The following FAM135B variants were observed in gnomAD, a reference collection of about 807,000 sequenced individuals.
FAM135B encodes the protein family with sequence similarity 135 member B.
In FAM135B, 43 loss-of-function variants were observed where a neutral mutation model predicts 127.7. The ratio of observed to expected loss-of-function variants is 0.34; its 90% CI spans 0.26 to 0.43. FAM135B has a LOEUF of 0.43. FAM135B is among the 20% of genes least tolerant of loss of function. The probability of loss-of-function intolerance (pLI) is 1.00; values close to 1 mark genes in which losing one functional copy is unlikely to be tolerated. For synonymous variants in FAM135B, 670 were observed against 665.1 expected (o/e 1.01, Z -0.11); for missense variants, 1,558 against 1,725.6 (o/e 0.90, Z 1.72).
At chr8:138,314,649 T>C (rs919093579) in intron 2 of FAM135B, among the ~76,000 whole-genome samples, 1 of 143,618 alleles carries the variant, frequency 7.0e-6, no homozygotes, top group African/African-American at 2.6e-5. Context: ...GGCTGGAGAA[T>C]TGCTTGAGCC....
At chr8:138,289,773 A>G (rs1214320932) in intron 3 of FAM135B, among the ~76,000 whole-genome samples, 2 of 152,040 alleles carry the variant, frequency 1.3e-5, no homozygotes, top group African/African-American at 2.4e-5. Context: ...AATCATCCCA[A>G]TCATCCTGGG....
chr8:138,471,951 G>C (rs1837699858), intron 1 of FAM135B, among the ~76,000 whole-genome samples: 2 of 152,130 alleles, frequency 1.3e-5, no homozygotes, highest in South Asian at 4.1e-4. Flanking sequence ...TGGTCAACTT[G>C]GTCACCATGC....
At chr8:138,455,840 C>A (rs1191839059) in intron 1 of FAM135B, among the ~76,000 whole-genome samples, 1 of 152,104 alleles carries the variant, frequency 6.6e-6, no homozygotes, top group African/African-American at 2.4e-5. Flanking sequence ...ACAGCTGTTA[C>A]AGTGGCTGAG....
chr8:138,376,322 A>G (rs1831468170), intron 1 of FAM135B, among the ~76,000 whole-genome samples: 1 of 151,802 alleles, frequency 6.6e-6, no homozygotes, highest in Non-Finnish European at 1.5e-5. Context: ...CTCAAATTCA[A>G]CTTCTTATCT....
At chr8:138,234,671 C>T (rs757646262) in intron 7 of FAM135B, among the ~76,000 whole-genome samples, 90 of 152,296 alleles carry the variant, frequency 5.9e-4, no homozygotes, top group South Asian at 2.3e-3. Flanking sequence ...CAAACAGTGG[C>T]GCCTCTTGTA....
chr8:138,163,894 T>C (rs1819650473), intron 12 of FAM135B, among the ~76,000 whole-genome samples: 1 of 152,150 alleles, frequency 6.6e-6, no homozygotes, highest in South Asian at 2.1e-4. Flanking sequence ...GGAGGCACGG[T>C]CACAGCTCAC....
At chr8:138,339,922 C>A (rs1828924448) in intron 2 of FAM135B, among the ~76,000 whole-genome samples, 1 of 152,058 alleles carries the variant, frequency 6.6e-6, no homozygotes, top group Non-Finnish European at 1.5e-5. Flanking sequence ...TGCTTTATCC[C>A]CACCCCCATC....
intron 2 of FAM135B, among the ~76,000 whole-genome samples, chr8:138,340,146 C>T (rs918220820): frequency 2.0e-5 from 3 of 152,148 alleles, no homozygotes; most frequent in South Asian, 2.1e-4. Context: ...ATAACTGCAG[C>T]GAGGTCCAAA....
In FAM135B at chr8:138,152,098, C is replaced by T. The variant is rs2130756147; in HGVS notation, c.2377G>A (p.Gly793Arg). 4 of 1,613,896 alleles carry T rather than the reference C, an allele frequency of 2.5e-6. No homozygotes were observed. The highest frequency in any genetic ancestry group is 3.4e-6 in the Non-Finnish European group (4 of 1,180,032). ...ATATCTGAAGGTTCAGCAAAACCTCCATCTTGCTGCTTGGTGTCCGCATCT... is the reference window on the plus strand; with the variant it reads ...ATATCTGAAGGTTCAGCAAAACCTCTATCTTGCTGCTTGGTGTCCGCATCT... Reference protein sequence around the residue: ...AEDADTKQQDGGFAEPSDMHS... With the variant: ...AEDADTKQQDRGFAEPSDMHS... Residue 793 changes from glycine (G) to arginine (R), a missense_variant, in exon 13 of 20, where the codon GGA becomes AGA. Coordinates refer to ENST00000395297, the MANE Select transcript of FAM135B (RefSeq NM_015912.4).
At chr8:138,214,644 T>C (rs910636107) in intron 7 of FAM135B, among the ~76,000 whole-genome samples, 1 of 152,124 alleles carries the variant, frequency 6.6e-6, no homozygotes, top group Non-Finnish European at 1.5e-5. Flanking sequence ...AATACATAGT[T>C]AGCCAGATGG....
At chr8:138,261,348 A>C (rs949440792) in intron 4 of FAM135B, among the ~76,000 whole-genome samples, 2 of 152,114 alleles carry the variant, frequency 1.3e-5, no homozygotes, top group Non-Finnish European at 2.9e-5. Flanking sequence ...TTCATATGTA[A>C]TCTTTTCCTC....
At chr8:138,184,298 G>C (rs1815352881) in intron 9 of FAM135B, among the ~76,000 whole-genome samples, 1 of 152,224 alleles carries the variant, frequency 6.6e-6, no homozygotes, top group Non-Finnish European at 1.5e-5. Context: ...CCTTGGCTTT[G>C]ACTTCCATCC....
chr8:138,362,371 T>C (rs4909779), intron 2 of FAM135B, among the ~76,000 whole-genome samples: 28,939 of 150,382 alleles, frequency 0.19, 3,077 homozygotes, highest in East Asian at 0.37. Flanking sequence ...TCAAGTAGTA[T>C]TGTGCATGGA....
At chr8:138,305,728 G>A (rs1418830761) in intron 3 of FAM135B, among the ~76,000 whole-genome samples, 1 of 152,162 alleles carries the variant, frequency 6.6e-6, no homozygotes, top group Non-Finnish European at 1.5e-5. Context: ...TGAAAAATTT[G>A]TTGAACTCAG....
chr8:138,334,423 T>C (rs1464222225), intron 2 of FAM135B, among the ~76,000 whole-genome samples: 2 of 152,220 alleles, frequency 1.3e-5, no homozygotes, highest in East Asian at 1.9e-4. Context: ...CAGGGTTACA[T>C]GTGCAGGTTT....
At chr8:138,195,970 G>C (rs1816592680) in intron 8 of FAM135B, among the ~76,000 whole-genome samples, 1 of 152,126 alleles carries the variant, frequency 6.6e-6, no homozygotes, top group South Asian at 2.1e-4. Context: ...CAATCCCTTA[G>C]CAGCTTACGG....
At chr8:138,207,811 G>A (rs958954426) in intron 7 of FAM135B, among the ~76,000 whole-genome samples, 24 of 152,274 alleles carry the variant, frequency 1.6e-4, no homozygotes, top group South Asian at 8.3e-4. Flanking sequence ...CCTCAAAGGC[G>A]TCAATCTCCA....
intron 7 of FAM135B, among the ~76,000 whole-genome samples, chr8:138,201,546 G>T (rs1399841720): frequency 6.6e-6 from 1 of 152,136 alleles, no homozygotes; most frequent in African/African-American, 2.4e-5. Context: ...GCGATATACT[G>T]CAGAAAATCC....
chr8:138,180,828 T>G (rs1428559455), intron 9 of FAM135B, among the ~76,000 whole-genome samples: 1 of 152,174 alleles, frequency 6.6e-6, no homozygotes, highest in Non-Finnish European at 1.5e-5. Flanking sequence ...AATGAGGGAA[T>G]CGCCTGCATT....
Sources: allele counts gnomAD v4.1 joint callset (sites outside exome capture counted in the v4.1 genomes callset), GRCh38; gene constraint gnomAD v4.1.1; transcripts MANE v1.5; gene names NCBI Gene and HGNC (gene_info 2026-07-23, HGNC 2026-07-21).